Variants in RPS6KA5 observed in about 807,000 individuals in gnomAD.
RPS6KA5 encodes ribosomal protein S6 kinase A5, also known as ribosomal protein S6 kinase alpha-5.
A neutral mutation model predicts 85.5 loss-of-function variants in RPS6KA5; 27 were observed. The observed-to-expected ratio is 0.32, with a 90% CI of 0.23 to 0.44. RPS6KA5 has a LOEUF of 0.44. Among genes scored for constraint, RPS6KA5 ranks in the 20% least tolerant of loss-of-function variants. The probability of loss-of-function intolerance (pLI) is 1.00; values close to 1 mark genes in which losing one functional copy is unlikely to be tolerated. For synonymous variants in RPS6KA5, 334 were observed against 348.2 expected, an observed-to-expected ratio of 0.96 and a Z score of 0.46; for missense variants, 811 against 980.9, an observed-to-expected ratio of 0.83 and a Z score of 2.31.
At chr14:90,879,134 T>C (rs2033665640) in intron 14 of RPS6KA5, among the ~76,000 whole-genome samples, 1 of 152,232 alleles carries the variant, frequency 6.6e-6, no homozygotes, top group Non-Finnish European at 1.5e-5. Flanking sequence ...CCAAGAGCAG[T>C]GCATCATGTG....
chr14:91,014,169 G>T (rs1263985273), intron 1 of RPS6KA5, among the ~76,000 whole-genome samples: 1 of 152,060 alleles, frequency 6.6e-6, no homozygotes, highest in Admixed American at 6.6e-5. Flanking sequence ...GAAAAAATTA[G>T]GGCTTTAAAG....
chr14:90,868,395 A>G lies in RPS6KA5; in HGVS notation c.*3679T>C, dbSNP rs2032895887. On this transcript the variant is annotated 3_prime_UTR_variant, in exon 17 of 17. Coordinates refer to ENST00000614987, the MANE Select transcript of RPS6KA5 (RefSeq NM_004755.4). ...AAAGACTGGAAATTGGGGTATTATCATGTAAGACATTTGAGAGGCCAAAAG... is the reference window on the plus strand; with the variant it reads ...AAAGACTGGAAATTGGGGTATTATCGTGTAAGACATTTGAGAGGCCAAAAG... 6.6e-6 allele frequency: 1 copy of G among 152,242 alleles called. No homozygotes were observed. Among genetic ancestry groups the G allele is most frequent in the Non-Finnish European group, 1.5e-5 (1 of 68,040 alleles). 9.4% of individuals were successfully genotyped at this position (152,242 alleles called of 1,614,324 possible). A position where few individuals can be genotyped will look rare whatever the true frequency, so the allele number is the denominator to read the frequency against.
At position 90,894,513 on chromosome 14, in the gene RPS6KA5, T is replaced by G. The variant is rs1198080263; in HGVS notation, c.1544A>C (p.His515Pro). 6.2e-7 allele frequency: 1 copy of G among 1,614,170 alleles called. No homozygotes were observed. Among genetic ancestry groups the G allele is most frequent in the South Asian group, 1.1e-5 (1 of 91,084 alleles). The change falls in exon 13 of 17, where the codon CAC becomes CCC. Residue 515 changes from histidine (H) to proline (P), a missense_variant. His to Pro is a moderately conservative substitution (Grantham distance 77). Coordinates refer to ENST00000614987, the MANE Select transcript of RPS6KA5 (RefSeq NM_004755.4). The part of the protein sequence containing the change: ...ELFERIKKKK[H>P]FSETEASYIM... Reference sequence around the variant, plus strand: ...GTAGCTGGCTTCCGTCTCACTGAAGTGCTTCTTTTTCTTAATGCGCTCAAA... The same window carrying G: ...GTAGCTGGCTTCCGTCTCACTGAAGGGCTTCTTTTTCTTAATGCGCTCAAA...
At chr14:91,031,471 T>C (rs1274029005) in intron 1 of RPS6KA5, among the ~76,000 whole-genome samples, 1 of 152,122 alleles carries the variant, frequency 6.6e-6, no homozygotes, top group Admixed American at 6.6e-5. Flanking sequence ...GAAAATCCCA[T>C]TATGACAGTT....
chr14:90,909,109 A>G (rs1490344870), intron 7 of RPS6KA5, among the ~76,000 whole-genome samples: 1 of 152,234 alleles, frequency 6.6e-6, no homozygotes, highest in Non-Finnish European at 1.5e-5. Flanking sequence ...GTGAACGTCA[A>G]TCTGAACCCT....
intron 2 of RPS6KA5, among the ~76,000 whole-genome samples, chr14:90,990,455 T>C (rs2140525891): frequency 6.6e-6 from 1 of 152,326 alleles, no homozygotes; most frequent in South Asian, 2.1e-4. Flanking sequence ...TCAGCCACTG[T>C]GGAAAGCAGT....
At chr14:91,051,637 G>A (rs949745130) in intron 1 of RPS6KA5, among the ~76,000 whole-genome samples, 3 of 151,556 alleles carry the variant, frequency 2.0e-5, no homozygotes, top group Admixed American at 6.6e-5. Context: ...ACAGGTGCCC[G>A]CCACCGTGCC....
chr14:90,965,114 G>C (rs941124361), intron 3 of RPS6KA5, among the ~76,000 whole-genome samples: 1 of 151,946 alleles, frequency 6.6e-6, no homozygotes, highest in Non-Finnish European at 1.5e-5. Flanking sequence ...TTCTCGTATC[G>C]GCTGGGCGCT....
intron 1 of RPS6KA5, among the ~76,000 whole-genome samples, chr14:91,043,496 G>A (rs997568788): frequency 2.6e-5 from 4 of 152,198 alleles, no homozygotes; most frequent in African/African-American, 9.7e-5. Flanking sequence ...TACTTCTTGA[G>A]TAACCCTGAA....
chr14:91,036,968 A>G (rs139197140), intron 1 of RPS6KA5, among the ~76,000 whole-genome samples: 19 of 152,314 alleles, frequency 1.2e-4, no homozygotes, highest in Admixed American at 2.6e-4. Context: ...GGATAACATG[A>G]GTCAAAGCTT....
Position 91,007,245 on chromosome 14 carries a change from T to G in RPS6KA5, c.104-6086A>C, listed in dbSNP as rs140127441. 7.3e-3 allele frequency among the ~76,000 whole-genome samples: 1,107 copies of G among 152,284 alleles called. 9 individuals are homozygous for G. Among genetic ancestry groups the G allele is most frequent in the Middle Eastern group, 0.027 (8 of 294 alleles). ...TATTAACTCCTTCCCATAGAAAGAATGCCTTATGAAAACTTTTGACAAATA... is the reference window on the plus strand; with the variant it reads ...TATTAACTCCTTCCCATAGAAAGAAGGCCTTATGAAAACTTTTGACAAATA... On this transcript the variant is annotated intron_variant, in intron 1 of 16. Transcript: ENST00000614987.
intron 7 of RPS6KA5, among the ~76,000 whole-genome samples, chr14:90,907,019 T>C (rs2140248753): frequency 6.6e-6 from 1 of 152,328 alleles, no homozygotes; most frequent in South Asian, 2.1e-4. Context: ...ATAAAGTTTC[T>C]TGATGAGAAA....
intron 3 of RPS6KA5, among the ~76,000 whole-genome samples, chr14:90,968,962 GAC>G (rs1352315081): frequency 6.6e-6 from 1 of 152,124 alleles, no homozygotes; most frequent in East Asian, 1.9e-4. Flanking sequence ...TCATTTCAAT[GAC>G]ACATAATTTA....
chr14:90,905,127 TAAAAA>T (rs2035430635), intron 8 of RPS6KA5, among the ~76,000 whole-genome samples: 1 of 152,138 alleles, frequency 6.6e-6, no homozygotes, highest in South Asian at 2.1e-4. Context: ...AGTAGTATTA[TAAAAA>T]ATAATTACAT....
intron 3 of RPS6KA5, among the ~76,000 whole-genome samples, chr14:90,950,772 A>G (rs1358306769): frequency 6.6e-6 from 1 of 152,062 alleles, no homozygotes; most frequent in Non-Finnish European, 1.5e-5. Flanking sequence ...TTTATTTGTT[A>G]CTGGATTTGG....
At chr14:90,950,896 G>A (rs374635526) in intron 3 of RPS6KA5, among the ~76,000 whole-genome samples, 1 of 151,930 alleles carries the variant, frequency 6.6e-6, no homozygotes, top group African/African-American at 2.4e-5. Flanking sequence ...TGAGGCAGGC[G>A]GATCACTTGA....
intron 1 of RPS6KA5, among the ~76,000 whole-genome samples, chr14:91,026,334 G>A (rs982084943): frequency 1.3e-5 from 2 of 151,976 alleles, no homozygotes; most frequent in Non-Finnish European, 2.9e-5. Context: ...GGGCTCAAGC[G>A]ATCCTCTCAC....
At chr14:90,988,528 A>G (rs2040158892) in intron 2 of RPS6KA5, among the ~76,000 whole-genome samples, 2 of 152,228 alleles carry the variant, frequency 1.3e-5, no homozygotes, top group Non-Finnish European at 2.9e-5. Flanking sequence ...GTTTGATACA[A>G]ATAAGAGGCT....
intron 1 of RPS6KA5, among the ~76,000 whole-genome samples, chr14:91,051,048 C>G (rs973049027): frequency 6.6e-6 from 1 of 150,842 alleles, no homozygotes; most frequent in Non-Finnish European, 1.5e-5. Flanking sequence ...GCCAACATAG[C>G]GAAACCCCAC....
Sources: allele counts gnomAD v4.1 joint callset (sites outside exome capture counted in the v4.1 genomes callset), GRCh38; gene constraint gnomAD v4.1.1; transcripts MANE v1.5; gene names NCBI Gene and HGNC (gene_info 2026-07-23, HGNC 2026-07-21).